The following AFF2 variants were observed in gnomAD, a reference collection of about 807,000 sequenced individuals.
The protein encoded by AFF2 is ALF transcription elongation factor 2.
A neutral mutation model predicts 76.9 loss-of-function variants in AFF2; 14 were observed. That is an observed-to-expected ratio of 0.18 (90% confidence interval 0.12 to 0.28). The LOEUF (loss-of-function observed/expected upper bound fraction) is 0.28. Ranked by LOEUF, AFF2 falls within the 10% of genes least tolerant of loss-of-function variation. AFF2 has a pLI of 1.00. For missense variants in AFF2, 868 were observed against 1,001.1 expected, an observed-to-expected ratio of 0.87 and a Z score of 1.79; for synonymous variants, 398 against 366.7, an observed-to-expected ratio of 1.09 and a Z score of -0.98.
Position 148,638,105 on chromosome X carries a change from G to T in AFF2, c.48-13894G>T, listed in dbSNP as rs782506635. On this transcript the variant is annotated intron_variant, in intron 1 of 20. Transcript: ENST00000370460. Reference sequence around the variant, plus strand: ...TTGTTTTCCATAAAAGCACAATTATGATCTATTAGCTAGTCAATTAATAAT... The same window carrying T: ...TTGTTTTCCATAAAAGCACAATTATTATCTATTAGCTAGTCAATTAATAAT... Among the ~76,000 whole-genome samples the T allele has an allele frequency of 9.0e-5, 10 of 111,010 alleles. No homozygotes were observed. In the East Asian group the frequency reaches 2.0e-3, roughly 22 times the overall value.
rs983448442 is a variant in AFF2 at position 148,577,265 on chromosome X, C to T, written c.48-74734C>T. On this transcript the variant is annotated intron_variant, in intron 1 of 20. Transcript: ENST00000370460. The stretch of plus-strand genomic sequence containing the variant: ...AAAAGTGTCTCTTCAGAATCAATAT[C>T]GTCATTACCTTGGATGTGTGTGTGT... Among the ~76,000 whole-genome samples, 3 of 106,143 alleles carry T rather than the reference C, an allele frequency of 2.8e-5. No homozygotes were observed. The Admixed American group carries it at 3.0e-4, about 11-fold the overall frequency. The allele number at this position is 106,143 out of a possible 115,157, so 92.2% of individuals were successfully genotyped here. A position where few individuals can be genotyped will look rare whatever the true frequency, so the allele number is the denominator to read the frequency against.
chrX:148,981,057 G>C (rs1353976830), intron 19 of AFF2, among the ~76,000 whole-genome samples: 1 of 112,000 alleles, frequency 8.9e-6, no homozygotes, highest in Admixed American at 9.4e-5. Context: ...TGCCATTTTA[G>C]GGAGGCAGGA....
chrX:148,978,536 A>G, intron 18 of AFF2, 81 bp downstream of exon 18: 1 of 696,293 alleles, frequency 1.4e-6, no homozygotes, highest in Non-Finnish European at 2.2e-6. Flanking sequence ...ATCGAATGTC[A>G]AATGCTGCCA....
At chrX:148,864,203 T>C (rs1350129714) in intron 7 of AFF2, among the ~76,000 whole-genome samples, 1 of 111,961 alleles carries the variant, frequency 8.9e-6, no homozygotes, top group Non-Finnish European at 1.9e-5. Flanking sequence ...CCAGAGTGTA[T>C]TGGCTTCAAA....
intron 3 of AFF2, among the ~76,000 whole-genome samples, chrX:148,721,070 C>A (rs2055086180): frequency 1.8e-5 from 2 of 112,123 alleles, no homozygotes; most frequent in Admixed American, 1.9e-4. Context: ...GTCTGTCTAA[C>A]TGCCTCTTGA....
At chrX:148,666,011 A>G (rs2124473109) in intron 3 of AFF2, among the ~76,000 whole-genome samples, 1 of 112,085 alleles carries the variant, frequency 8.9e-6, no homozygotes, top group South Asian at 3.7e-4. Flanking sequence ...AAAACAGACA[A>G]CATTCTAAGC....
At chrX:148,614,750 C>CTTTCCTTCT (rs1557250049) in intron 1 of AFF2, among the ~76,000 whole-genome samples, 599 of 51,122 alleles carry the variant, frequency 0.012, 10 homozygotes, top group Middle Eastern at 0.019. Flanking sequence ...TTCTTTCTTT[C>CTTTCCTTCT]TTTCTTTCTT....
intron 13 of AFF2, among the ~76,000 whole-genome samples, chrX:148,965,218 G>A (rs914278462): frequency 1.3e-4 from 15 of 112,077 alleles, no homozygotes; most frequent in Non-Finnish European, 2.8e-4. Context: ...GAAGCCATGA[G>A]GGCCTGCATT....
intron 7 of AFF2, among the ~76,000 whole-genome samples, chrX:148,880,482 T>C (rs1207533767): frequency 1.8e-5 from 2 of 111,651 alleles, no homozygotes; most frequent in Non-Finnish European, 3.8e-5. Flanking sequence ...GCTAAGTTAC[T>C]ATCCTAGAAG....
In AFF2 at chrX:148,973,575, C is replaced by T. The variant is rs782589608; in HGVS notation, c.3372C>T (p.Tyr1124=). The change falls in exon 16 of 21, where the codon TAC becomes TAT. Residue 1124 remains tyrosine, a synonymous_variant. Transcript: ENST00000370460. ...ACCCTCTGGAAGCAAAGTCCCCATACACCATGTACTCTGAGACTGTGGAGC... is the reference window on the plus strand; with the variant it reads ...ACCCTCTGGAAGCAAAGTCCCCATATACCATGTACTCTGAGACTGTGGAGC... ...ERDPLEAKSP[Y]TMYSETVELL... 8.3e-7 allele frequency: 1 copy of T among 1,211,302 alleles called. No homozygotes were observed. The highest frequency in any genetic ancestry group is 1.1e-6 in the Non-Finnish European group (1 of 894,984).
chrX:148,701,011 A>AGTGTGTGTGTGT (rs10675199), intron 3 of AFF2, among the ~76,000 whole-genome samples: 3 of 61,160 alleles, frequency 4.9e-5, no homozygotes, highest in Non-Finnish European at 9.5e-5. Context: ...AGAGAGAGAG[A>AGTGTGTGTGTGT]ATGTGTGTGT....
At chrX:148,676,791 A>G (rs1183978773) in intron 3 of AFF2, among the ~76,000 whole-genome samples, 3 of 111,883 alleles carry the variant, frequency 2.7e-5, no homozygotes, top group Non-Finnish European at 5.6e-5. Context: ...TCTGGGATTC[A>G]TGAGACACAA....
rs375518863 is a variant in AFF2 at position 148,904,254 on chromosome X, G to T, written c.1393G>T (p.Val465Leu). 1.4e-5 allele frequency: 16 copies of T among 1,116,070 alleles called. No individual in the cohort carries two copies. The highest frequency in any genetic ancestry group is 1.8e-5 in the Non-Finnish European group (15 of 814,769). 92.0% of individuals were successfully genotyped at this position (1,116,070 alleles called of 1,213,427 possible). Residue 465 changes from valine to leucine, a missense_variant, in exon 9 of 21, where the codon GTG becomes TTG. Physicochemically the swap from Val to Leu is conservative, Grantham distance 32. Coordinates refer to ENST00000370460, the MANE Select transcript of AFF2 (RefSeq NM_002025.4). Reference sequence around the variant, plus strand: ...AAAGGCAAAACCTAGGAATAATCCTGTGAAGTAAGTTATTATTTTTATTAG... The same window carrying T: ...AAAGGCAAAACCTAGGAATAATCCTTTGAAGTAAGTTATTATTTTTATTAG... The part of the protein sequence containing the change: ...VEKAKPRNNP[V>L]NPPLATPQPP...
intron 3 of AFF2, among the ~76,000 whole-genome samples, chrX:148,732,655 G>A (rs1465857328): frequency 2.8e-5 from 3 of 105,453 alleles, no homozygotes; most frequent in Non-Finnish European, 5.8e-5. Context: ...AGTCACTTCA[G>A]TATTCTGATC....
At chrX:148,978,712 G>T (rs1013703037) in intron 18 of AFF2, among the ~76,000 whole-genome samples, 1 of 111,768 alleles carries the variant, frequency 8.9e-6, no homozygotes, top group Non-Finnish European at 1.9e-5. Context: ...TCTCCTGGTT[G>T]CAGTGAGGAG....
chrX:148,852,494 A>T (rs1002844377), intron 7 of AFF2, among the ~76,000 whole-genome samples: 1 of 107,648 alleles, frequency 9.3e-6, no homozygotes, highest in Non-Finnish European at 1.9e-5. Flanking sequence ...TAAAGTACCT[A>T]TTCCTCATAA....
intron 9 of AFF2, among the ~76,000 whole-genome samples, chrX:148,927,340 CAAAT>C (rs1445905256): frequency 3.6e-5 from 4 of 111,775 alleles, no homozygotes; most frequent in African/African-American, 1.3e-4. Flanking sequence ...CTTATTTAAA[CAAAT>C]AACACTTTTA....
At chrX:148,514,335 G>A (rs1440224407) in intron 1 of AFF2, among the ~76,000 whole-genome samples, 3 of 112,526 alleles carry the variant, frequency 2.7e-5, no homozygotes, top group Non-Finnish European at 5.6e-5. Flanking sequence ...CCCACATGCC[G>A]TGAAAGTTTG....
At chrX:148,753,622 G>A (rs964872641) in intron 3 of AFF2, among the ~76,000 whole-genome samples, 7 of 111,958 alleles carry the variant, frequency 6.3e-5, no homozygotes, top group African/African-American at 1.9e-4. Context: ...TCTTTTGGGG[G>A]AAGACAGTGA....
Sources: allele counts gnomAD v4.1 joint callset (sites outside exome capture counted in the v4.1 genomes callset), GRCh38; gene constraint gnomAD v4.1.1; transcripts MANE v1.5; gene names NCBI Gene and HGNC (gene_info 2026-07-23, HGNC 2026-07-21).